The following UGT1A9 variants were observed in gnomAD, a reference collection of about 807,000 sequenced individuals.
The protein encoded by UGT1A9 is UDP glucuronosyltransferase family 1 member A9, also known as UDP-glucuronosyltransferase 1A9.
In UGT1A9, 35 loss-of-function variants were observed where a neutral mutation model predicts 45.0. That is an observed-to-expected ratio of 0.78 (90% CI 0.59 to 1.03). The LOEUF (loss-of-function observed/expected upper bound fraction) is 1.03, where lower values mean the gene tolerates loss of function less well. Among genes scored for constraint, UGT1A9 ranks in the 50% least tolerant of loss-of-function variants. The probability of loss-of-function intolerance (pLI) is 0.00; values close to 1 mark genes in which losing one functional copy is unlikely to be tolerated. For synonymous variants in UGT1A9, 278 were observed against 250.6 expected (o/e 1.11, Z -1.03); for missense variants, 687 against 666.6 (o/e 1.03, Z -0.34).
chr2:233,721,676 A>T (rs1442079995), intron 1 of UGT1A9: 1 of 291,948 alleles, frequency 3.4e-6, no homozygotes, highest in African/African-American at 2.2e-5. Context: ...TTAATCCAAT[A>T]ATGAGCTCTG....
intron 1 of UGT1A9, among the ~76,000 whole-genome samples, chr2:233,702,494 C>T (rs374252732): frequency 3.1e-4 from 47 of 152,116 alleles, no homozygotes; most frequent in Non-Finnish European, 5.1e-4. Context: ...CCTCTAGTAC[C>T]GTGTTGAATA....
At chr2:233,737,845 C>A (rs993893058) in intron 1 of UGT1A9, among the ~76,000 whole-genome samples, 6 of 152,132 alleles carry the variant, frequency 3.9e-5, no homozygotes, top group Admixed American at 6.5e-5. Context: ...TGGCACAGGT[C>A]ACTCTTGCTA....
intron 1 of UGT1A9, among the ~76,000 whole-genome samples, chr2:233,726,343 G>T (rs1236966840): frequency 5.3e-5 from 8 of 152,068 alleles, no homozygotes; most frequent in Non-Finnish European, 7.4e-5. Context: ...GTGGTTTTTT[G>T]ATTTATTTAT....
At chr2:233,693,944 G>A (rs2075190377) in intron 1 of UGT1A9, 26 of 1,599,102 alleles carry the variant, frequency 1.6e-5, no homozygotes, top group South Asian at 1.6e-4. Context: ...TCCTTGAGCC[G>A]ACTGTCCCTT....
chr2:233,735,217 A>G (rs1317592719), intron 1 of UGT1A9, among the ~76,000 whole-genome samples: 1 of 152,114 alleles, frequency 6.6e-6, no homozygotes, highest in African/African-American at 2.4e-5. Context: ...GTGCATATAT[A>G]TTTAGGATAG....
intron 1 of UGT1A9, chr2:233,719,836 T>G: frequency 6.5e-7 from 1 of 1,539,550 alleles, no homozygotes; most frequent in Non-Finnish European, 8.7e-7. Context: ...AGGGGCCTAG[T>G]GTATTTCAAG....
In UGT1A9 at chr2:233,672,217, C is replaced by T. The variant is rs749656170; in HGVS notation, c.283C>T (p.His95Tyr). ...GGACCGGGAGTTCAAGGCTTTTGCCCATGCTCAATGGAAAGCACAAGTACG... is the reference window on the plus strand; with the variant it reads ...GGACCGGGAGTTCAAGGCTTTTGCCTATGCTCAATGGAAAGCACAAGTACG... ...DLDREFKAFA[H>Y]AQWKAQVRSI... The change falls in exon 1 of 5, where the codon CAT becomes TAT. Residue 95 changes from histidine (H) to tyrosine (Y), a missense_variant. Transcript: ENST00000354728. 1.5e-5 allele frequency: 24 copies of T among 1,614,010 alleles called. 1 individual carries two copies. The highest frequency in any genetic ancestry group is 1.6e-4 in the Middle Eastern group (1 of 6,084).
intron 1 of UGT1A9, chr2:233,719,143 A>T: frequency 6.2e-7 from 1 of 1,614,250 alleles, no homozygotes; most frequent in Non-Finnish European, 8.5e-7. Flanking sequence ...CATCTTCTGA[A>T]GAGATATTCT....
intron 1 of UGT1A9, among the ~76,000 whole-genome samples, chr2:233,751,420 G>C (rs1694723370): frequency 6.6e-6 from 1 of 152,164 alleles, no homozygotes; most frequent in Non-Finnish European, 1.5e-5. Context: ...TTTTGAGCTA[G>C]TGCTGAAATG....
At chr2:233,698,074 C>G (rs535848761) in intron 1 of UGT1A9, among the ~76,000 whole-genome samples, 6 of 152,298 alleles carry the variant, frequency 3.9e-5, no homozygotes, top group African/African-American at 1.2e-4. Context: ...AAACTGGGCT[C>G]TAATGAATGT....
At chr2:233,690,685 G>A (rs760063871) in intron 1 of UGT1A9, 25 of 1,255,756 alleles carry the variant, frequency 2.0e-5, no homozygotes, top group South Asian at 1.8e-4. Context: ...GGTCTCCAGC[G>A]GAGCTACTCT....
chr2:233,696,474 G>A (rs1025416296), intron 1 of UGT1A9, among the ~76,000 whole-genome samples: 1 of 152,046 alleles, frequency 6.6e-6, no homozygotes, highest in Non-Finnish European at 1.5e-5. Flanking sequence ...AGTTGATCTT[G>A]TATACTGCAA....
At chr2:233,700,072 A>C (rs2075542026) in intron 1 of UGT1A9, among the ~76,000 whole-genome samples, 2 of 152,198 alleles carry the variant, frequency 1.3e-5, no homozygotes, top group South Asian at 4.1e-4. Flanking sequence ...GTGTCTACCC[A>C]GCAAGGCCCC....
intron 1 of UGT1A9, among the ~76,000 whole-genome samples, chr2:233,703,870 A>T (rs4439950): frequency 1 from 151,412 of 152,146 alleles, 75,342 homozygotes; most frequent in East Asian, 1. Context: ...TGTAGATGGA[A>T]TTATGTCTAC....
intron 1 of UGT1A9, among the ~76,000 whole-genome samples, chr2:233,733,174 GC>G (rs2078363490): frequency 6.6e-6 from 1 of 152,204 alleles, no homozygotes; most frequent in South Asian, 2.1e-4. Context: ...CTGGGACTTT[GC>G]TGAAGTTGCT....
rs993277218 is a variant in UGT1A9 at position 233,747,483 on chromosome 2, C to T, written c.856-19551C>T. 8 of 1,608,492 alleles carry T rather than the reference C, an allele frequency of 5.0e-6. No individual in the cohort carries two copies. The Admixed American group carries it at 5.0e-5, about 10-fold the overall frequency. Reference sequence around the variant, plus strand: ...TTCATGGACCCAGGATGAATTTGATCGCCTTGTGCTGGGCCACACTCAACT... The same window carrying T: ...TTCATGGACCCAGGATGAATTTGATTGCCTTGTGCTGGGCCACACTCAACT... On this transcript the variant is annotated intron_variant, in intron 1 of 4. Coordinates refer to ENST00000354728, the MANE Select transcript of UGT1A9 (RefSeq NM_021027.3).
chr2:233,733,972 G>A (rs2078461884), intron 1 of UGT1A9, among the ~76,000 whole-genome samples: 1 of 152,042 alleles, frequency 6.6e-6, no homozygotes, highest in South Asian at 2.1e-4. Flanking sequence ...AGGGGGAGCG[G>A]GGAGGGATAG....
At position 233,677,515 on chromosome 2, in the gene UGT1A9, T is replaced by G. The variant is rs1005185371; in HGVS notation, c.855+4726T>G. On this transcript the variant is annotated intron_variant, in intron 1 of 4. Coordinates refer to ENST00000354728, the MANE Select transcript of UGT1A9 (RefSeq NM_021027.3). ...ATGTTATTAGTATTATATCCTGTAT[T>G]ATGACAATGCAGCTAGCTAGAGAAA... is the stretch of plus-strand genomic sequence containing the variant. Among the ~76,000 whole-genome samples, 3 of 152,272 alleles carry G rather than the reference T, an allele frequency of 2.0e-5. No homozygotes were observed. In the East Asian group the frequency reaches 5.8e-4, roughly 29 times the overall value.
Position 233,729,503 on chromosome 2 carries a change from G to A in UGT1A9, c.856-37531G>A, listed in dbSNP as rs1346769357. 1.4e-5 allele frequency: 22 copies of A among 1,614,052 alleles called. No individual in the cohort carries two copies. Among genetic ancestry groups the A allele is most frequent in the Non-Finnish European group, 1.8e-5 (21 of 1,180,050 alleles). Reference sequence around the variant, plus strand: ...AACAATATGTCTTTGGTCTATCATAGGTCTTGTGTGGAGCTACTACATAAT... The same window carrying A: ...AACAATATGTCTTTGGTCTATCATAAGTCTTGTGTGGAGCTACTACATAAT... On this transcript the variant is annotated intron_variant, in intron 1 of 4. Coordinates refer to ENST00000354728, the MANE Select transcript of UGT1A9 (RefSeq NM_021027.3).
Sources: allele counts gnomAD v4.1 joint callset (sites outside exome capture counted in the v4.1 genomes callset), GRCh38; gene constraint gnomAD v4.1.1; transcripts MANE v1.5; gene names NCBI Gene and HGNC (gene_info 2026-07-23, HGNC 2026-07-21).